The following STK31 variants were observed in gnomAD, a reference collection of about 807,000 sequenced individuals.
The protein encoded by STK31 is serine/threonine kinase 31, also known as serine/threonine-protein kinase 31.
Under a neutral mutation model 129.7 loss-of-function variants are expected in STK31, and 89 were observed. That is an observed-to-expected ratio of 0.69 (90% confidence interval 0.58 to 0.82). The LOEUF (loss-of-function observed/expected upper bound fraction) is 0.82. Ranked by LOEUF, STK31 falls within the 40% of genes least tolerant of loss-of-function variation. The pLI, the probability that STK31 is intolerant of heterozygous loss-of-function variation, is 0.00. For missense variants in STK31, 1,187 were observed against 1,176.4 expected, an observed-to-expected ratio of 1.01 and a Z score of -0.13; for synonymous variants, 448 against 395.3, an observed-to-expected ratio of 1.13 and a Z score of -1.58.
At chr7:23,816,110 C>T (rs912349510) in intron 23 of STK31, among the ~76,000 whole-genome samples, 14 of 152,076 alleles carry the variant, frequency 9.2e-5, no homozygotes, top group African/African-American at 3.4e-4. Flanking sequence ...TATTAAGGAG[C>T]TTTGCCACAC....
In STK31 at chr7:23,804,718, G is replaced by A. The variant is rs534127094; in HGVS notation, c.2761-10426G>A. Among the ~76,000 whole-genome samples, 5 of 152,264 alleles carry A rather than the reference G, an allele frequency of 3.3e-5. No individual in the cohort carries two copies. In the South Asian group the frequency reaches 8.3e-4, roughly 25 times the overall value. ...AGACCCAAACCTTTATGTAATTTCA[G>A]TCACTTCCCCAAACCAGGATTTTGT... On this transcript the variant is annotated intron_variant, in intron 22 of 23. Transcript: ENST00000355870.
chr7:23,824,732 G>T (rs1208585626), intron 23 of STK31, among the ~76,000 whole-genome samples: 2 of 152,040 alleles, frequency 1.3e-5, no homozygotes, highest in African/African-American at 4.8e-5. Context: ...TTGGCTGTGG[G>T]TTTGTCATAG....
intron 10 of STK31, among the ~76,000 whole-genome samples, chr7:23,757,642 G>A (rs1584394916): frequency 6.6e-6 from 1 of 151,896 alleles, no homozygotes; most frequent in South Asian, 2.1e-4. Context: ...ACATACAATC[G>A]GGTTTTACAC....
rs757104552 is a variant in STK31 at position 23,754,322 on chromosome 7, G to A, written c.1141G>A (p.Asp381Asn). 7 of 1,606,676 alleles carry A rather than the reference G, an allele frequency of 4.4e-6. No individual in the cohort carries two copies. The highest frequency in any genetic ancestry group is 1.7e-4 in the Middle Eastern group (1 of 6,038). The stretch of plus-strand genomic sequence containing the variant: ...TGATGTTTTTAAAAATAGGCATGTC[G>A]ACATCAGTGTCCGTTTCGGAAAAGA... ...MEILKEMRHVDISVRFGKDLS... is the reference protein window; with the variant it reads ...MEILKEMRHVNISVRFGKDLS... The change falls in exon 10 of 24, where the codon GAC becomes AAC. Residue 381 changes from aspartate to asparagine, a missense_variant. Around this residue, in one of 5 missense-constraint regions of STK31, gnomAD observed 975 missense variants for 934.9 expected, o/e 1.04. Transcript: ENST00000355870.
rs753456158 is a variant in STK31, at chr7:23,737,045, A to G, written c.984A>G (p.Glu328=). Residue 328 remains glutamate (E), a synonymous_variant, in exon 8 of 24, where the codon GAA becomes GAG. Coordinates refer to ENST00000355870, the MANE Select transcript of STK31 (RefSeq NM_031414.5). The stretch of plus-strand genomic sequence containing the variant: ...TTCTTGAAAGTTATAAGGCGTTAGA[A>G]TTGAAAGTAGAGCAGATTGCCCAGG... The part of the protein sequence containing the change: ...DALLESYKAL[E]LKVEQIAQEL... 5 of 1,610,720 alleles carry G rather than the reference A, an allele frequency of 3.1e-6. No individual in the cohort carries two copies. Among genetic ancestry groups the G allele is most frequent in the Non-Finnish European group, 4.2e-6 (5 of 1,179,468 alleles).
intron 3 of STK31, among the ~76,000 whole-genome samples, chr7:23,714,949 C>T (rs147373264): frequency 0.011 from 1,748 of 152,212 alleles, 31 homozygotes; most frequent in African/African-American, 0.04. Context: ...CTAAAACAGG[C>T]GGCTGTAATT....
intron 23 of STK31, among the ~76,000 whole-genome samples, chr7:23,828,266 T>C (rs1794303354): frequency 6.6e-6 from 1 of 152,222 alleles, no homozygotes; most frequent in Non-Finnish European, 1.5e-5. Context: ...CCAGCCACTT[T>C]GTTTACCTAC....
chr7:23,829,309 G>T (rs1022357810), intron 23 of STK31, among the ~76,000 whole-genome samples: 1 of 152,096 alleles, frequency 6.6e-6, no homozygotes, highest in African/African-American at 2.4e-5. Context: ...TATATACCTA[G>T]TTTGTTGAGA....
intron 6 of STK31, among the ~76,000 whole-genome samples, chr7:23,730,878 AT>A (rs60712892): frequency 0.028 from 1,644 of 59,462 alleles, 37 homozygotes; most frequent in East Asian, 0.067. Context: ...ATATATATAT[AT>A]TTTTTTTTTT....
chr7:23,797,591 C>T (rs1792055048), intron 22 of STK31, among the ~76,000 whole-genome samples: 1 of 152,176 alleles, frequency 6.6e-6, no homozygotes. Flanking sequence ...GTACCAGAAT[C>T]TCTGGGACAC....
chr7:23,750,565 ATTTC>A (rs1788652502), intron 8 of STK31, among the ~76,000 whole-genome samples: 1 of 152,142 alleles, frequency 6.6e-6, no homozygotes, highest in African/African-American at 2.4e-5. Context: ...AGAGATAAAG[ATTTC>A]TTTCTAAGCA....
chr7:23,771,261 G>T, intron 14 of STK31, 137 bp downstream of exon 14: 5 of 735,592 alleles, frequency 6.8e-6, no homozygotes, highest in Admixed American at 3.9e-5. Context: ...TGGAAATGGT[G>T]ATTTTTGATG....
chr7:23,801,689 C>G (rs1373244046), intron 22 of STK31, among the ~76,000 whole-genome samples: 1 of 152,104 alleles, frequency 6.6e-6, no homozygotes, highest in Admixed American at 6.5e-5. Context: ...ACATTTAGAG[C>G]TGAGATCTCT....
chr7:23,777,594 AT>A (rs1790640889), intron 15 of STK31, among the ~76,000 whole-genome samples: 1 of 150,464 alleles, frequency 6.6e-6, no homozygotes, highest in South Asian at 2.1e-4. Flanking sequence ...GCCCTTCTTT[AT>A]TTTTATTTTT....
chr7:23,741,978 G>T (rs1788079961), intron 8 of STK31, among the ~76,000 whole-genome samples: 1 of 152,206 alleles, frequency 6.6e-6, no homozygotes, highest in Admixed American at 6.5e-5. Context: ...TGGGATACTG[G>T]GGCACCACCC....
At chr7:23,771,226 G>A (rs1469001) in intron 14 of STK31, 102 bp downstream of exon 14, 1,075,345 of 1,080,734 alleles carry the variant, frequency 1, 535,195 homozygotes, top group East Asian at 1. Flanking sequence ...TCAGTAAATT[G>A]TTATTACTAG....
intron 22 of STK31, chr7:23,811,648 A>G (rs529696124): frequency 1.2e-5 from 2 of 160,542 alleles, no homozygotes; most frequent in East Asian, 1.9e-4. Flanking sequence ...GAGGTAGATG[A>G]TAGCAGTGCT....
chr7:23,785,637 C>T, intron 18 of STK31, 34 bp downstream of exon 18: 2 of 1,598,510 alleles, frequency 1.3e-6, no homozygotes, highest in South Asian at 2.2e-5. Flanking sequence ...GTGGGAGATT[C>T]AGCAGCATAA....
intron 15 of STK31, among the ~76,000 whole-genome samples, chr7:23,780,931 T>G (rs1000958427): frequency 2.0e-5 from 3 of 152,220 alleles, no homozygotes; most frequent in African/African-American, 7.2e-5. Flanking sequence ...TGATTTAAAG[T>G]TCACAAGATT....
Sources: gnomAD v4.1 joint callset for allele counts (sites outside exome capture counted in the v4.1 genomes callset) on GRCh38, gnomAD v4.1.1 for gene constraint, gnomAD v4.1.1 regional missense constraint, MANE v1.5 for transcripts, NCBI Gene and HGNC (gene_info 2026-07-23, HGNC 2026-07-21) for gene names.